The following NEDD4L variants were observed in gnomAD, a reference collection of about 807,000 sequenced individuals.
The protein encoded by NEDD4L is NEDD4 like E3 ubiquitin protein ligase.
A neutral mutation model predicts 148.9 loss-of-function variants in NEDD4L; 54 were observed. That is an observed-to-expected ratio of 0.36 (90% CI 0.29 to 0.45). NEDD4L has a LOEUF of 0.45. NEDD4L is among the 20% of genes least tolerant of loss of function. The pLI is 1.00. For synonymous variants in NEDD4L, 433 were observed against 440.7 expected (o/e 0.98, Z 0.22); for missense variants, 856 against 1,233.8 (o/e 0.69, Z 4.59).
At chr18:58,301,025 C>T (rs2056393369) in intron 5 of NEDD4L, among the ~76,000 whole-genome samples, 1 of 152,112 alleles carries the variant, frequency 6.6e-6, no homozygotes, top group Non-Finnish European at 1.5e-5. Flanking sequence ...CTTAGCCCCA[C>T]GTTTTATACA....
chr18:58,267,834 A>T (rs1421310099), intron 5 of NEDD4L, among the ~76,000 whole-genome samples: 1 of 152,092 alleles, frequency 6.6e-6, no homozygotes, highest in African/African-American at 2.4e-5. Flanking sequence ...TGTGGGCATT[A>T]AAGCAAAGCT....
chr18:58,382,704 A>C (rs1358356305), intron 24 of NEDD4L, among the ~76,000 whole-genome samples: 1 of 152,144 alleles, frequency 6.6e-6, no homozygotes, highest in Non-Finnish European at 1.5e-5. Context: ...AGGGCAGATG[A>C]GTGAGGAGAA....
intron 2 of NEDD4L, among the ~76,000 whole-genome samples, chr18:58,209,716 CAA>C (rs144847827): frequency 0.44 from 66,115 of 150,920 alleles, 15,715 homozygotes; most frequent in African/African-American, 0.64. Flanking sequence ...ACTAAGTAAA[CAA>C]AAAAATATAA....
intron 2 of NEDD4L, among the ~76,000 whole-genome samples, chr18:58,202,066 T>A (rs1223115852): frequency 6.6e-6 from 1 of 152,210 alleles, no homozygotes; most frequent in Non-Finnish European, 1.5e-5. Flanking sequence ...TCTCTTGCCT[T>A]GAAGATGTGC....
At chr18:58,337,407 C>G (rs2041909565) in intron 13 of NEDD4L, among the ~76,000 whole-genome samples, 1 of 152,152 alleles carries the variant, frequency 6.6e-6, no homozygotes, top group South Asian at 2.1e-4. Flanking sequence ...TGTCTCTTCA[C>G]CCCGTGTTTC....
rs1052131113 is a variant in NEDD4L, at chr18:58,399,113, G to C, written c.*2844G>C. ...TCTCTTAACATCAGTTATCACAGCT[G>C]CCTGTGGGTCCCGGGTATTTCCATT... On this transcript the variant is annotated 3_prime_UTR_variant, in exon 31 of 31. Transcript: ENST00000400345. 1 of 152,258 alleles carries C rather than the reference G, an allele frequency of 6.6e-6. No individual in the cohort carries two copies. Among genetic ancestry groups the C allele is most frequent in the Admixed American group, 6.5e-5 (1 of 15,290 alleles). The allele number at this position is 152,258 out of a possible 1,614,324, so 9.4% of individuals were successfully genotyped here.
intron 2 of NEDD4L, among the ~76,000 whole-genome samples, chr18:58,243,291 C>T (rs158856): frequency 0.29 from 43,757 of 152,128 alleles, 6,678 homozygotes; most frequent in Middle Eastern, 0.36. Context: ...TGCATCTCCA[C>T]GGCACATTAT....
chr18:58,388,982 G>A lies in NEDD4L; in HGVS notation c.2548-103G>A, dbSNP rs542805386. On this transcript the variant is annotated intron_variant, in intron 27 of 30. Coordinates refer to ENST00000400345, the MANE Select transcript of NEDD4L (RefSeq NM_001144967.3). ...TGTTATGATTTGCTAGCTTACCTTC[G>A]CGGCACAGTGACCACATGCTGGCAC... 349 of 875,122 alleles carry A rather than the reference G, an allele frequency of 4.0e-4. 2 individuals carry two copies. The highest frequency in any genetic ancestry group is 1.1e-3 in the South Asian group (76 of 70,142). 54.2% of individuals were successfully genotyped at this position (875,122 alleles called of 1,614,324 possible). A position where few individuals can be genotyped will look rare whatever the true frequency, so the allele number is the denominator to read the frequency against.
rs562806142 is a variant in NEDD4L, at chr18:58,147,651, C to T, written c.49-18137C>T. 3.3e-5 allele frequency among the ~76,000 whole-genome samples: 5 copies of T among 152,240 alleles called. No homozygotes were observed. In the South Asian group the frequency reaches 6.2e-4, roughly 19 times the overall value. On this transcript the variant is annotated intron_variant, in intron 1 of 30. Transcript: ENST00000400345. ...TAATCTCTGCTAATATAAGAGGCAT[C>T]GAAGTACACGCGAGTTCAGTTTGCA... is the stretch of plus-strand genomic sequence containing the variant.
chr18:58,236,364 A>C (rs983562793), intron 2 of NEDD4L, among the ~76,000 whole-genome samples: 1 of 152,220 alleles, frequency 6.6e-6, no homozygotes, highest in Non-Finnish European at 1.5e-5. Context: ...CTCAAAAAAA[A>C]AAGAAAAAAA....
intron 6 of NEDD4L, among the ~76,000 whole-genome samples, chr18:58,319,450 C>A (rs1373684227): frequency 6.6e-6 from 1 of 152,190 alleles, no homozygotes; most frequent in Non-Finnish European, 1.5e-5. Context: ...GTGAATGCAC[C>A]TAGGCTGAAA....
chr18:58,179,347 T>C (rs2146933708), intron 2 of NEDD4L, among the ~76,000 whole-genome samples: 1 of 152,316 alleles, frequency 6.6e-6, no homozygotes, highest in Middle Eastern at 3.4e-3. Flanking sequence ...AACTGTTCTT[T>C]CTCTGGAATC....
intron 9 of NEDD4L, among the ~76,000 whole-genome samples, chr18:58,326,702 C>G (rs2059341045): frequency 6.6e-6 from 1 of 152,100 alleles, no homozygotes; most frequent in South Asian, 2.1e-4. Flanking sequence ...CCAGGAGCAA[C>G]TCACAAAGGA....
intron 16 of NEDD4L, among the ~76,000 whole-genome samples, chr18:58,344,493 G>A (rs568894217): frequency 6.6e-6 from 1 of 152,302 alleles, no homozygotes; most frequent in Admixed American, 6.5e-5. Context: ...CCCTAAGTGA[G>A]AACCACTCTA....
chr18:58,108,538 AG>A, intron 1 of NEDD4L, among the ~76,000 whole-genome samples: 1 of 152,220 alleles, frequency 6.6e-6, no homozygotes, highest in Admixed American at 6.5e-5. Flanking sequence ...CTCGTGTCTC[AG>A]CCTCCCGAGT....
chr18:58,238,015 T>G (rs1006896771), intron 2 of NEDD4L, among the ~76,000 whole-genome samples: 36 of 152,252 alleles, frequency 2.4e-4, no homozygotes, highest in Non-Finnish European at 4.7e-4. Flanking sequence ...AGTGTGTTCT[T>G]CGGCAGCTTC....
At chr18:58,308,156 G>A (rs2057277608) in intron 5 of NEDD4L, among the ~76,000 whole-genome samples, 1 of 152,232 alleles carries the variant, frequency 6.6e-6, no homozygotes, top group South Asian at 2.1e-4. Flanking sequence ...TTTAAATTAA[G>A]TTCAATCTCA....
intron 28 of NEDD4L, 39 bp from the exon 29 acceptor site, chr18:58,390,607 C>A: frequency 7.6e-7 from 1 of 1,310,644 alleles, no homozygotes. Context: ...TGCCATGGGT[C>A]ACGTGGGGGG....
chr18:58,335,973 TACC>T (rs1387913285), intron 13 of NEDD4L: 1 of 161,680 alleles, frequency 6.2e-6, no homozygotes, highest in Non-Finnish European at 1.4e-5. Context: ...GTATCTCCCC[TACC>T]ACATTTTTCA....
Sources: allele counts gnomAD v4.1 joint callset (sites outside exome capture counted in the v4.1 genomes callset), GRCh38; gene constraint gnomAD v4.1.1; transcripts MANE v1.5; gene names NCBI Gene and HGNC (gene_info 2026-07-23, HGNC 2026-07-21).